The following EXTL3 variants were observed in gnomAD, a reference collection of about 807,000 sequenced individuals.
The protein encoded by EXTL3 is exostosin-like 3.
A neutral mutation model predicts 69.3 loss-of-function variants in EXTL3; 27 were observed. The observed-to-expected ratio is 0.39, with a 90% CI of 0.29 to 0.54. The LOEUF (loss-of-function observed/expected upper bound fraction) is 0.54. Among genes scored for constraint, EXTL3 ranks in the 20% least tolerant of loss-of-function variants. The probability of loss-of-function intolerance (pLI) is 0.69; values close to 1 mark genes in which losing one functional copy is unlikely to be tolerated. For missense variants in EXTL3, 1,003 were observed against 1,231.8 expected (o/e 0.81, Z 2.78); for synonymous variants, 511 against 499.4 (o/e 1.02, Z -0.31).
upstream of EXTL3, chr8:28,701,109 G>A (rs985356911): frequency 1.3e-5 from 2 of 152,284 alleles, no homozygotes; most frequent in Non-Finnish European, 1.5e-5. Flanking sequence ...TTTTCTCTGA[G>A]AATGGAGTTT....
At chr8:28,685,794 G>A (rs1807566872) in intron 1 of EXTL3, 1 of 151,688 alleles carries the variant, frequency 6.6e-6, no homozygotes, top group Non-Finnish European at 1.5e-5. Flanking sequence ...TCCTTTGTGT[G>A]TGTGTATATA....
At position 28,737,574 on chromosome 8, in the gene EXTL3, T is replaced by C. The variant is rs1335594719; in HGVS notation, c.2332T>C (p.Trp778Arg). The change falls in exon 5 of 7, where the codon TGG (tryptophan) becomes CGG (arginine). Residue 778 changes from tryptophan to arginine, a missense_variant. Trp to Arg is a moderately radical substitution (Grantham distance 101, BLOSUM62 -3). This residue lies in a region of EXTL3 where 261 missense variants were observed against 416.4 expected (regional missense o/e 0.63). Transcript: ENST00000220562. ...GGGCTTCCCTGGCCGTTACCACGCATGGGACATCCCCCATCAGTCCTGGCT... is the reference window on the plus strand; with the variant it reads ...GGGCTTCCCTGGCCGTTACCACGCACGGGACATCCCCCATCAGTCCTGGCT... Reference protein sequence around the residue: ...IVGFPGRYHAWDIPHQSWLYN... With the variant: ...IVGFPGRYHARDIPHQSWLYN... 6.2e-7 allele frequency: 1 copy of C among 1,614,092 alleles called. No homozygotes were observed. The highest frequency in any genetic ancestry group is 1.7e-5 in the Admixed American group (1 of 60,024).
chr8:28,656,545 T>C (rs1361362241), intron 1 of EXTL3, among the ~76,000 whole-genome samples: 1 of 152,018 alleles, frequency 6.6e-6, no homozygotes, highest in African/African-American at 2.4e-5. Flanking sequence ...ATCAAAAGAG[T>C]CCTGACTAAT....
intron 2 of EXTL3, among the ~76,000 whole-genome samples, chr8:28,611,373 G>A (rs1025795638): frequency 3.3e-5 from 5 of 152,052 alleles, no homozygotes; most frequent in African/African-American, 1.2e-4. Flanking sequence ...GGATCACTTT[G>A]AGCCCAGGAG....
At chr8:28,657,936 C>T (rs981824603) in intron 1 of EXTL3, among the ~76,000 whole-genome samples, 2 of 152,186 alleles carry the variant, frequency 1.3e-5, no homozygotes, top group African/African-American at 4.8e-5. Flanking sequence ...TTTCTGCCTT[C>T]CCATAGACAC....
At chr8:28,723,167 G>A (rs551389309) in intron 3 of EXTL3, among the ~76,000 whole-genome samples, 109 of 152,124 alleles carry the variant, frequency 7.2e-4, no homozygotes, top group Non-Finnish European at 1.2e-3. Context: ...TTGAACGAAT[G>A]AGACGATAAT....
chr8:28,673,638 A>G (rs192515356), intron 1 of EXTL3, among the ~76,000 whole-genome samples: 2 of 152,276 alleles, frequency 1.3e-5, no homozygotes, highest in Admixed American at 1.3e-4. Context: ...TCAATTCCTT[A>G]CAATTAATCA....
intron 2 of EXTL3, among the ~76,000 whole-genome samples, chr8:28,608,583 C>G (rs1806233755): frequency 1.3e-5 from 2 of 151,986 alleles, no homozygotes; most frequent in African/African-American, 4.8e-5. Context: ...AATAACCTGG[C>G]CAGGCACAGT....
intron 2 of EXTL3, among the ~76,000 whole-genome samples, chr8:28,610,217 G>A (rs1376748096): frequency 6.8e-6 from 1 of 146,298 alleles, no homozygotes; most frequent in African/African-American, 2.6e-5. Context: ...ATATGTATAT[G>A]TGTGTGTGTG....
At chr8:28,655,002 T>C (rs1461358583) in intron 1 of EXTL3, among the ~76,000 whole-genome samples, 1 of 152,218 alleles carries the variant, frequency 6.6e-6, no homozygotes, top group African/African-American at 2.4e-5. Flanking sequence ...GTAAGGCCGA[T>C]GTATTTTTCT....
chr8:28,712,420 A>G (rs375145705), intron 1 of EXTL3, among the ~76,000 whole-genome samples: 2 of 152,026 alleles, frequency 1.3e-5, no homozygotes, highest in Admixed American at 1.3e-4. Context: ...TATGGAGTGC[A>G]TTGTAGGGGC....
intron 1 of EXTL3, among the ~76,000 whole-genome samples, chr8:28,641,144 T>C (rs1806736355): frequency 6.6e-6 from 1 of 152,224 alleles, no homozygotes; most frequent in Non-Finnish European, 1.5e-5. Flanking sequence ...AGCCAGATAT[T>C]ACACATTGTA....
chr8:28,634,917 T>G (rs548042056), intron 1 of EXTL3, among the ~76,000 whole-genome samples: 151 of 152,126 alleles, frequency 9.9e-4, no homozygotes, highest in Non-Finnish European at 1.8e-3. Context: ...TTTGCCACAC[T>G]CTACCTCCTA....
chr8:28,749,853 G>A (rs1405774992), intron 6 of EXTL3, among the ~76,000 whole-genome samples: 2 of 152,112 alleles, frequency 1.3e-5, no homozygotes, highest in East Asian at 1.9e-4. Flanking sequence ...GCTGCCACAC[G>A]CAGCTAATAT....
intron 4 of EXTL3, 146 bp from the exon 5 acceptor site, chr8:28,737,370 CTTG>C (rs1406792095): frequency 2.4e-5 from 20 of 832,050 alleles, no homozygotes; most frequent in Middle Eastern, 4.9e-4. Flanking sequence ...TCCTGTTTGG[CTTG>C]TTGTTGATTT....
In EXTL3 at chr8:28,717,337, G is replaced by C; in HGVS notation, c.1278G>C (p.Lys426Asn). The C allele has an allele frequency of 6.2e-7, 1 of 1,614,192 alleles. No individual in the cohort carries two copies. Among genetic ancestry groups the C allele is most frequent in the Non-Finnish European group, 8.5e-7 (1 of 1,180,036 alleles). ...GGGAGGACCGCTTGGAATTGCTGAAGCTCTCCACCTTCGCCCTCATCATTA... is the reference window on the plus strand; with the variant it reads ...GGGAGGACCGCTTGGAATTGCTGAACCTCTCCACCTTCGCCCTCATCATTA... ...GEREDRLELL[K>N]LSTFALIITP... Residue 426 changes from lysine (K) to asparagine (N), a missense_variant, in exon 3 of 7, where the codon AAG becomes AAC. By Grantham distance (94) the Lys-to-Asn change is moderately conservative (BLOSUM62 0). This residue lies in a region of EXTL3 where 742 missense variants were observed against 815.4 expected (regional missense o/e 0.91). Transcript: ENST00000220562. This position sits in a 1 kb window ranked among gnomAD's most constrained non-coding sequence, Gnocchi z 8.3.
At chr8:28,608,328 T>C (rs1806226472) in intron 2 of EXTL3, among the ~76,000 whole-genome samples, 1 of 152,016 alleles carries the variant, frequency 6.6e-6, no homozygotes, top group Admixed American at 6.5e-5. Context: ...GGCACAAACG[T>C]GCCTAATGTG....
In EXTL3 at chr8:28,648,860, G is replaced by A. The variant is rs540192334; in HGVS notation, c.-53+26050G>A. The stretch of plus-strand genomic sequence containing the variant: ...CATCCTGTTAGCTGGGACTGTAGGC[G>A]TGCACCACCACACCCAGCTAAGGTT... On this transcript the variant is annotated intron_variant, in intron 1 of 6. Transcript: ENST00000523149. Among the ~76,000 whole-genome samples the A allele has an allele frequency of 1.1e-4, 16 of 152,022 alleles. No individual in the cohort carries two copies. In the South Asian group the frequency reaches 2.3e-3, roughly 22 times the overall value.
At chr8:28,749,203 G>C (rs1323505122) in intron 6 of EXTL3, among the ~76,000 whole-genome samples, 1 of 151,570 alleles carries the variant, frequency 6.6e-6, no homozygotes, top group East Asian at 1.9e-4. Context: ...ATAACAAACA[G>C]GTTATAGTTC....
Sources: gnomAD v4.1 joint callset for allele counts (sites outside exome capture counted in the v4.1 genomes callset) on GRCh38, gnomAD v4.1.1 for gene constraint, gnomAD v4.1.1 regional missense constraint, Gnocchi (gnomAD v3.1) non-coding constraint, MANE v1.5 for transcripts, NCBI Gene and HGNC (gene_info 2026-07-23, HGNC 2026-07-21) for gene names.